RAPGEF3: variants seen among roughly 807,000 people sequenced by gnomAD.
The protein encoded by RAPGEF3 is 9330170P05Rik.
RAPGEF3 carries 103 observed loss-of-function variants against 129.8 expected under a neutral mutation model. The ratio of observed to expected loss-of-function variants is 0.79; its 90% confidence interval spans 0.68 to 0.93. The LOEUF (loss-of-function observed/expected upper bound fraction) is 0.93. Ranked by LOEUF, RAPGEF3 falls within the 40% of genes least tolerant of loss-of-function variation. RAPGEF3 has a pLI of 0.00. For missense variants in RAPGEF3, 1,117 were observed against 1,207.4 expected (o/e 0.93, Z 1.11); for synonymous variants, 436 against 482.6 (o/e 0.90, Z 1.26).
At chr12:47,748,645 C>T in intron 11 of RAPGEF3, 103 bp from the exon 12 acceptor site, 1 of 1,133,098 alleles carries the variant, frequency 8.8e-7, no homozygotes, top group Non-Finnish European at 1.3e-6. Context: ...CATTAGCCAG[C>T]CCTGTCCCAC....
chr12:47,754,963 C>T (rs915501509), intron 2 of RAPGEF3, among the ~76,000 whole-genome samples: 4 of 152,240 alleles, frequency 2.6e-5, no homozygotes, highest in Non-Finnish European at 5.9e-5. Flanking sequence ...GCTGGAGAGA[C>T]AGGCACAGAG....
intron 15 of RAPGEF3, among the ~76,000 whole-genome samples, 199 bp from the exon 16 acceptor site, chr12:47,747,098 G>A (rs1055214786): frequency 7.9e-5 from 12 of 152,150 alleles, no homozygotes; most frequent in Admixed American, 5.9e-4. Context: ...AAGGCCAGGA[G>A]GGGAAGGAAA....
chr12:47,754,366 T>C (rs1346160039), intron 2 of RAPGEF3, among the ~76,000 whole-genome samples: 1 of 152,240 alleles, frequency 6.6e-6, no homozygotes, highest in Admixed American at 6.5e-5. Context: ...TATTCTACCC[T>C]CTCTGTGCCC....
In RAPGEF3 at chr12:47,748,931, C is replaced by T; in HGVS notation, c.1042G>A (p.Asp348Asn). Residue 348 changes from aspartate to asparagine, a missense_variant and splice_region_variant, in exon 11 of 28, where the codon GAT (aspartate) becomes AAT (asparagine). Asp to Asn is a conservative substitution (Grantham distance 23). Coordinates refer to ENST00000449771, the MANE Select transcript of RAPGEF3 (RefSeq NM_001098531.4). ...AGCCGCATGGTCTTTGCCTCCACAT[C>T]CTGGAGAACAGGCCACATCCCATGC... ...DKQDFNRIIKDVEAKTMRLEE... is the reference protein window; with the variant it reads ...DKQDFNRIIKNVEAKTMRLEE... 1 of 1,611,162 alleles carries T rather than the reference C, an allele frequency of 6.2e-7. No homozygotes were observed. Among genetic ancestry groups the T allele is most frequent in the African/African-American group, 1.3e-5 (1 of 74,946 alleles).
intron 7 of RAPGEF3, among the ~76,000 whole-genome samples, 173 bp from the exon 8 acceptor site, chr12:47,750,163 G>A (rs754784717): frequency 7.9e-5 from 12 of 152,250 alleles, no homozygotes; most frequent in Non-Finnish European, 1.8e-4. Flanking sequence ...AAAATGGGCT[G>A]AGAGAGGCGG....
chr12:47,743,337 A>G (rs1346674798), intron 18 of RAPGEF3, among the ~76,000 whole-genome samples, 193 bp downstream of exon 18: 1 of 152,274 alleles, frequency 6.6e-6, no homozygotes, highest in East Asian at 1.9e-4. Context: ...AGCAGGCTCC[A>G]GAGCTCATGC....
chr12:47,744,049 C>G lies in RAPGEF3; in HGVS notation c.1616G>C (p.Trp539Ser). The change falls in exon 17 of 28, where the codon TGG becomes TCG. Residue 539 changes from tryptophan (W) to serine (S), a missense_variant. Trp to Ser is a radical substitution (Grantham distance 177, BLOSUM62 -3). Around this residue, in one of 3 missense-constraint regions of RAPGEF3, gnomAD observed 643 missense variants for 673.4 expected, o/e 0.95. Coordinates refer to ENST00000449771, the MANE Select transcript of RAPGEF3 (RefSeq NM_001098531.4). ...PQMKARNLPVWLPNQDEPLPG... is the reference protein window; with the variant it reads ...PQMKARNLPVSLPNQDEPLPG... ...AAGGGGCTCGTCCTGGTTGGGGAGC[C>G]AAACAGGCAAGTTCCGGGCCTGGGA... 1 of 1,608,766 alleles carries G rather than the reference C, an allele frequency of 6.2e-7. No homozygotes were observed. The highest frequency in any genetic ancestry group is 8.5e-7 in the Non-Finnish European group (1 of 1,175,258).
At chr12:47,757,055 A>T (rs973093182) in intron 2 of RAPGEF3, among the ~76,000 whole-genome samples, 1 of 152,056 alleles carries the variant, frequency 6.6e-6, no homozygotes, top group African/African-American at 2.4e-5. Flanking sequence ...GCACTTTGGG[A>T]GGCCAAGGCA....
In RAPGEF3 at chr12:47,740,369, G is replaced by A. The variant is rs764660320; in HGVS notation, c.2258C>T (p.Ser753Phe). The change falls in exon 22 of 28, where the codon TCC becomes TTC. Residue 753 changes from serine (S) to phenylalanine (F), a missense_variant. Ser to Phe is a radical substitution (Grantham distance 155). This residue lies in a region of RAPGEF3 where 643 missense variants were observed against 673.4 expected (regional missense o/e 0.95). Coordinates refer to ENST00000449771, the MANE Select transcript of RAPGEF3 (RefSeq NM_001098531.4). ...GAGGCCAAACATGACGGCAAAGAAG[G>A]AATTGAGATTCTTCTGCTCCTTGAG... is the stretch of plus-strand genomic sequence containing the variant. Reference protein sequence around the residue: ...AHLKEQKNLNSFFAVMFGLSN... With the variant: ...AHLKEQKNLNFFFAVMFGLSN... 5 of 1,614,046 alleles carry A rather than the reference G, an allele frequency of 3.1e-6. No homozygotes were observed. The South Asian group carries it at 5.5e-5, about 18-fold the overall frequency.
In RAPGEF3 at chr12:47,737,837, C is replaced by G. The variant is rs1940873874; in HGVS notation, c.2654-152G>C. The G allele has an allele frequency of 8.9e-6, 10 of 1,124,380 alleles. No individual in the cohort carries two copies. In the East Asian group the frequency reaches 2.5e-4, roughly 29 times the overall value. 69.7% of individuals were successfully genotyped at this position (1,124,380 alleles called of 1,614,324 possible). ...ATTCCTAAAGACGGCTGTCCCTGCC[C>G]ACCCCACGGGTGAGGGGACCGAAGA... On this transcript the variant is annotated intron_variant, in intron 27 of 27. Coordinates refer to ENST00000449771, the MANE Select transcript of RAPGEF3 (RefSeq NM_001098531.4).
In RAPGEF3 at chr12:47,749,795, G is replaced by A. The variant is rs1372137705; in HGVS notation, c.840C>T (p.Gly280=). Reference sequence around the variant, plus strand: ...CCTTCCAGATAATGTACCACGAAGTGCCCTTGTCCCCCTGGCTGAACACTG... The same window carrying A: ...CCTTCCAGATAATGTACCACGAAGTACCCTTGTCCCCCTGGCTGAACACTG... ...GTVLFSQGDK[G]TSWYIIWKGS... Residue 280 remains glycine, a synonymous_variant, in exon 9 of 28, where the codon GGC becomes GGT. Coordinates refer to ENST00000449771, the MANE Select transcript of RAPGEF3 (RefSeq NM_001098531.4). The surrounding 1 kb of genome is among the most constrained non-coding windows in gnomAD (Gnocchi z 4.5). 1.2e-6 allele frequency: 2 copies of A among 1,614,066 alleles called. No individual in the cohort carries two copies. The highest frequency in any genetic ancestry group is 1.7e-6 in the Non-Finnish European group (2 of 1,180,044).
At chr12:47,738,616 C>T in intron 25 of RAPGEF3, 74 bp downstream of exon 25, 1 of 1,322,402 alleles carries the variant, frequency 7.6e-7, no homozygotes. Context: ...GCCTCCAAGC[C>T]CTGCCCCTTC....
In RAPGEF3 at chr12:47,748,538, T is replaced by C; in HGVS notation, c.1159A>G (p.Thr387Ala). 1.2e-6 allele frequency: 2 copies of C among 1,613,522 alleles called. No individual in the cohort carries two copies. Among genetic ancestry groups the C allele is most frequent in the East Asian group, 2.2e-5 (1 of 44,886 alleles). ...TTCTCTGGGGTGCCAGACATCACTG[T>C]ATACCTAGCAGAAATGGCCAATCTT... ...RPPTPGRNRY[T>A]VMSGTPEKIL... The change falls in exon 12 of 28, where the codon ACA becomes GCA. Residue 387 changes from threonine (T) to alanine (A), a missense_variant. This residue lies in a region of RAPGEF3 where 107 missense variants were observed against 160.7 expected (regional missense o/e 0.67). Transcript: ENST00000449771.
chr12:47,742,046 C>T (rs1025411640), intron 18 of RAPGEF3: 1 of 168,934 alleles, frequency 5.9e-6, no homozygotes, highest in African/African-American at 2.4e-5. Context: ...TGGACTGGGA[C>T]TGTGCTTGAG....
Position 47,749,145 on chromosome 12 carries a change from C to T in RAPGEF3, c.1042-214G>A, listed in dbSNP as rs1941598156. ...AGCCTAGTCCCCCGCCCCCTGCATG[C>T]CCATCCTTCCCCTGGTCTCCCACAC... is the stretch of plus-strand genomic sequence containing the variant. On this transcript the variant is annotated intron_variant, in intron 10 of 27. Coordinates refer to ENST00000449771, the MANE Select transcript of RAPGEF3 (RefSeq NM_001098531.4). This position sits in a 1 kb window ranked among gnomAD's most constrained non-coding sequence, Gnocchi z 4.5. The T allele has an allele frequency of 6.3e-6, 4 of 637,090 alleles. No homozygotes were observed. The highest frequency in any genetic ancestry group is 5.5e-5 in the East Asian group (2 of 36,482). The allele number at this position is 637,090 out of a possible 1,614,324, so 39.5% of individuals were successfully genotyped here. A position where few individuals can be genotyped will look rare whatever the true frequency, so the allele number is the denominator to read the frequency against.
At chr12:47,742,561 A>G (rs1208785877) in intron 18 of RAPGEF3, among the ~76,000 whole-genome samples, 1 of 152,196 alleles carries the variant, frequency 6.6e-6, no homozygotes, top group East Asian at 1.9e-4. Context: ...CCCTCCGCAG[A>G]GAACAGTGGT....
chr12:47,752,978 C>T (rs1941841556), intron 2 of RAPGEF3, among the ~76,000 whole-genome samples: 1 of 152,214 alleles, frequency 6.6e-6, no homozygotes, highest in South Asian at 2.1e-4. Flanking sequence ...CCCTCACGAC[C>T]CTTCTCTTCC....
At chr12:47,741,387 C>G (rs1844466026) in intron 19 of RAPGEF3, 118 bp downstream of exon 19, 3 of 982,650 alleles carry the variant, frequency 3.1e-6, no homozygotes, top group Non-Finnish European at 4.8e-6. Context: ...GAGGACCCAG[C>G]AGCAGCCAGA....
In RAPGEF3 at chr12:47,749,870, C is replaced by T. The variant is rs1941643590; in HGVS notation, c.818-53G>A. On this transcript the variant is annotated intron_variant, in intron 8 of 27. Coordinates refer to ENST00000449771, the MANE Select transcript of RAPGEF3 (RefSeq NM_001098531.4). The surrounding 1 kb of genome is among the most constrained non-coding windows in gnomAD (Gnocchi z 4.5). ...CCTCCTGGCACCTACCATTCCTTCA[C>T]ACATCCTTCTGCCCATGTCCAGGCC... is the stretch of plus-strand genomic sequence containing the variant. 12 of 1,613,806 alleles carry T rather than the reference C, an allele frequency of 7.4e-6. No homozygotes were observed. Among genetic ancestry groups the T allele is most frequent in the Non-Finnish European group, 1.0e-5 (12 of 1,179,772 alleles).
Sources: allele counts gnomAD v4.1 joint callset (sites outside exome capture counted in the v4.1 genomes callset), GRCh38; gene constraint gnomAD v4.1.1; regional missense constraint gnomAD v4.1.1; non-coding constraint Gnocchi (gnomAD v3.1); transcripts MANE v1.5; gene names NCBI Gene and HGNC (gene_info 2026-07-23, HGNC 2026-07-21).